STXBP5: variants seen among roughly 807,000 people sequenced by gnomAD.
STXBP5 encodes the protein syntaxin binding protein 5.
Under a neutral mutation model 152.4 loss-of-function variants are expected in STXBP5, and 50 were observed. The observed-to-expected ratio is 0.33, with a 90% confidence interval of 0.26 to 0.42. The LOEUF is 0.42. STXBP5 is among the 10% of genes least tolerant of loss of function. The probability of loss-of-function intolerance (pLI) is 1.00; values close to 1 mark genes in which losing one functional copy is unlikely to be tolerated. For missense variants in STXBP5, 1,167 were observed against 1,388.6 expected, an observed-to-expected ratio of 0.84 and a Z score of 2.54; for synonymous variants, 492 against 494.7, an observed-to-expected ratio of 0.99 and a Z score of 0.07.
intron 7 of STXBP5, among the ~76,000 whole-genome samples, chr6:147,272,008 T>G (rs1191270369): frequency 1.3e-5 from 2 of 152,100 alleles, no homozygotes; most frequent in African/African-American, 2.4e-5. Context: ...TCCAGCAATT[T>G]AGATGAAATG....
At chr6:147,260,846 A>G (rs1779607436) in intron 5 of STXBP5, 97 bp downstream of exon 5, 2 of 1,384,760 alleles carry the variant, frequency 1.4e-6, no homozygotes, top group African/African-American at 1.5e-5. Context: ...ATGGAATTAA[A>G]TATGTGACAG....
intron 9 of STXBP5, among the ~76,000 whole-genome samples, 191 bp from the exon 10 acceptor site, chr6:147,309,893 G>A (rs927044640): frequency 3.3e-5 from 5 of 151,958 alleles, no homozygotes; most frequent in African/African-American, 1.2e-4. Flanking sequence ...TTTATTGCAG[G>A]TTAATTTTCA....
chr6:147,332,074 T>C (rs964762221), intron 18 of STXBP5, among the ~76,000 whole-genome samples: 1 of 152,242 alleles, frequency 6.6e-6, no homozygotes, highest in African/African-American at 2.4e-5. Context: ...TTGAGTGAGA[T>C]AGGTTTGAAC....
chr6:147,241,187 C>T (rs1778523189), intron 4 of STXBP5, among the ~76,000 whole-genome samples: 1 of 152,102 alleles, frequency 6.6e-6, no homozygotes, highest in Non-Finnish European at 1.5e-5. Context: ...ACCTCATATA[C>T]CACCCTCATT....
At chr6:147,257,400 T>G (rs1779422878) in intron 4 of STXBP5, among the ~76,000 whole-genome samples, 1 of 151,878 alleles carries the variant, frequency 6.6e-6, no homozygotes, top group South Asian at 2.1e-4. Context: ...GTTTTAGTGT[T>G]TCTTAGGTGG....
chr6:147,363,467 T>C lies in STXBP5; in HGVS notation c.2678T>C (p.Leu893Ser). ...VPEEKDEKEK[L>S]KKRRPVSVSP... The stretch of plus-strand genomic sequence containing the variant: ...GAAGAAAAAGACGAAAAGGAGAAAT[T>C]GAAAAAACGGCGGCCTGTCTCAGTA... The change falls in exon 24 of 28, where the codon TTG (leucine) becomes TCG (serine). Residue 893 changes from leucine (L) to serine (S), a missense_variant. Physicochemically the swap from Leu to Ser is moderately radical, Grantham distance 145 (BLOSUM62 -2). Coordinates refer to ENST00000321680, the MANE Select transcript of STXBP5 (RefSeq NM_001127715.4). The C allele has an allele frequency of 6.2e-7, 1 of 1,614,016 alleles. No homozygotes were observed. The highest frequency in any genetic ancestry group is 8.5e-7 in the Non-Finnish European group (1 of 1,180,008).
intron 25 of STXBP5, among the ~76,000 whole-genome samples, chr6:147,368,932 A>C (rs1018869617): frequency 6.6e-6 from 1 of 151,912 alleles, no homozygotes; most frequent in African/African-American, 2.4e-5. Context: ...AATATTAATA[A>C]AAAATTTTTT....
At chr6:147,209,799 G>A (rs1776756505) in intron 2 of STXBP5, among the ~76,000 whole-genome samples, 1 of 152,150 alleles carries the variant, frequency 6.6e-6, no homozygotes, top group Non-Finnish European at 1.5e-5. Context: ...ATGACAGGGA[G>A]GAAGGAGTGG....
Position 147,239,280 on chromosome 6 carries a change from C to T in STXBP5, c.431+10C>T. On this transcript the variant is annotated intron_variant, in intron 4 of 27. Transcript: ENST00000321680. ...AATTTTGCAGAGAAAGGTAAGAATT[C>T]TCCCAGTTATCTTATGTATAGGATA... The T allele has an allele frequency of 6.2e-7, 1 of 1,606,924 alleles. No homozygotes were observed. The highest frequency in any genetic ancestry group is 8.5e-7 in the Non-Finnish European group (1 of 1,174,202).
At chr6:147,315,038 A>AT (rs1325975738) in intron 14 of STXBP5, among the ~76,000 whole-genome samples, 1 of 109,500 alleles carries the variant, frequency 9.1e-6, no homozygotes, top group Non-Finnish European at 1.8e-5. Context: ...AAAAGAAATA[A>AT]TGCCTTTAAT....
chr6:147,313,451 C>T (rs1213495721), intron 11 of STXBP5, among the ~76,000 whole-genome samples: 1 of 152,038 alleles, frequency 6.6e-6, no homozygotes, highest in Non-Finnish European at 1.5e-5. Flanking sequence ...AAATATTGGA[C>T]TAGGTATCAT....
chr6:147,310,253 T>C lies in STXBP5; in HGVS notation c.1072+15T>C. ...ATACCCAAATGGTAAGCTTTGCAACTTTAAAGCTCATTCTCTATAGAGAGC... is the reference window on the plus strand; with the variant it reads ...ATACCCAAATGGTAAGCTTTGCAACCTTAAAGCTCATTCTCTATAGAGAGC... On this transcript the variant is annotated intron_variant, in intron 10 of 27. Coordinates refer to ENST00000321680, the MANE Select transcript of STXBP5 (RefSeq NM_001127715.4). The C allele has an allele frequency of 6.5e-7, 1 of 1,535,588 alleles. No homozygotes were observed. Among genetic ancestry groups the C allele is most frequent in the Non-Finnish European group, 8.7e-7 (1 of 1,150,958 alleles).
At chr6:147,260,861 T>A in intron 5 of STXBP5, 112 bp downstream of exon 5, 4 of 1,289,348 alleles carry the variant, frequency 3.1e-6, no homozygotes, top group Non-Finnish European at 3.2e-6. Context: ...TGACAGATGT[T>A]CTTAATATTA....
chr6:147,210,874 A>C (rs1478651132), intron 2 of STXBP5, among the ~76,000 whole-genome samples: 2 of 152,092 alleles, frequency 1.3e-5, no homozygotes, highest in African/African-American at 4.8e-5. Context: ...TGTGGCTTTA[A>C]TTTTCAGGTC....
At chr6:147,332,203 A>G (rs554129852) in intron 18 of STXBP5, among the ~76,000 whole-genome samples, 1 of 152,184 alleles carries the variant, frequency 6.6e-6, no homozygotes, top group Non-Finnish European at 1.5e-5. Flanking sequence ...CAACCATTCA[A>G]CAGATACTGA....
chr6:147,250,764 A>G (rs1779044964), intron 4 of STXBP5, among the ~76,000 whole-genome samples: 1 of 151,998 alleles, frequency 6.6e-6, no homozygotes, highest in Non-Finnish European at 1.5e-5. Flanking sequence ...TGTTTTATTG[A>G]TATCTAATTT....
intron 22 of STXBP5, among the ~76,000 whole-genome samples, chr6:147,356,276 A>G (rs1319296725): frequency 1.3e-5 from 2 of 152,026 alleles, no homozygotes; most frequent in East Asian, 1.9e-4. Context: ...TTAATTTACA[A>G]TGAAATCTAT....
chr6:147,315,201 G>A (rs777954336), intron 14 of STXBP5, among the ~76,000 whole-genome samples: 1 of 151,992 alleles, frequency 6.6e-6, no homozygotes, highest in Non-Finnish European at 1.5e-5. Flanking sequence ...GAAGCAAACT[G>A]TGTTGTTTAT....
chr6:147,296,656 C>A (rs1160190880), intron 9 of STXBP5, among the ~76,000 whole-genome samples: 1 of 151,936 alleles, frequency 6.6e-6, no homozygotes, highest in African/African-American at 2.4e-5. Context: ...ACAATATGCC[C>A]ATAAAGAAAT....
Sources: allele counts gnomAD v4.1 joint callset (sites outside exome capture counted in the v4.1 genomes callset), GRCh38; gene constraint gnomAD v4.1.1; transcripts MANE v1.5; gene names NCBI Gene and HGNC (gene_info 2026-07-23, HGNC 2026-07-21).